Variants in HHIP observed in about 807,000 individuals in gnomAD.
HHIP encodes the protein hedgehog-interacting protein.
A neutral mutation model predicts 74.0 loss-of-function variants in HHIP; 12 were observed. That is an observed-to-expected ratio of 0.16 (90% CI 0.10 to 0.26). The LOEUF is 0.26. Ranked by LOEUF, HHIP falls within the 10% of genes least tolerant of loss-of-function variation. The probability of loss-of-function intolerance (pLI) is 1.00; values close to 1 mark genes in which losing one functional copy is unlikely to be tolerated. For missense variants in HHIP, 788 were observed against 845.0 expected (o/e 0.93, Z 0.84); for synonymous variants, 309 against 311.6 (o/e 0.99, Z 0.09).
intron 11 of HHIP, among the ~76,000 whole-genome samples, chr4:144,725,688 G>A (rs1010567873): frequency 5.9e-5 from 9 of 151,846 alleles, no homozygotes; most frequent in Non-Finnish European, 1.2e-4. Flanking sequence ...GTGTGTTTGA[G>A]ACAGAGTTTT....
intron 2 of HHIP, chr4:144,655,182 G>A (rs1383066389): frequency 6.6e-6 from 1 of 152,084 alleles, no homozygotes; most frequent in Non-Finnish European, 1.5e-5. Flanking sequence ...CCCAAAAATG[G>A]GAAAAGATAT....
At chr4:144,673,535 G>C (rs1729098961) in intron 4 of HHIP, among the ~76,000 whole-genome samples, 1 of 151,934 alleles carries the variant, frequency 6.6e-6, no homozygotes, top group African/African-American at 2.4e-5. Context: ...GTTCCTCCTA[G>C]GAAATGCACA....
rs1190707364 is a variant in HHIP at position 144,741,574 on chromosome 4, G to T, written c.*3617G>T. 1 of 151,822 alleles carries T rather than the reference G, an allele frequency of 6.6e-6. No homozygotes were observed. The highest frequency in any genetic ancestry group is 2.4e-5 in the African/African-American group (1 of 41,278). The allele number at this position is 151,822 out of a possible 1,614,324, so 9.4% of individuals were successfully genotyped here. On this transcript the variant is annotated 3_prime_UTR_variant, in exon 13 of 13. Transcript: ENST00000296575. ...TTTTTGTGTTTTTAGTAGAGACAGGGTTTCACCATGTTGGCCAGGCTGATT... is the reference window on the plus strand; with the variant it reads ...TTTTTGTGTTTTTAGTAGAGACAGGTTTTCACCATGTTGGCCAGGCTGATT...
At chr4:144,690,322 G>C (rs1054377691) in intron 4 of HHIP, among the ~76,000 whole-genome samples, 2 of 152,178 alleles carry the variant, frequency 1.3e-5, no homozygotes, top group African/African-American at 2.4e-5. Context: ...ATGGGGTAGG[G>C]AGACTGGTAG....
At chr4:144,716,160 T>C (rs1172965606) in intron 10 of HHIP, among the ~76,000 whole-genome samples, 1 of 152,210 alleles carries the variant, frequency 6.6e-6, no homozygotes. Flanking sequence ...ACCTTAACTA[T>C]TATGCTCCTT....
chr4:144,711,857 C>A, intron 7 of HHIP, 93 bp from the exon 8 acceptor site: 2 of 1,272,146 alleles, frequency 1.6e-6, no homozygotes, highest in Non-Finnish European at 2.2e-6. Context: ...CCTTGCCAGT[C>A]CACAAAGGGC....
chr4:144,701,010 CCT>C (rs1244360244), intron 4 of HHIP, among the ~76,000 whole-genome samples: 2 of 152,040 alleles, frequency 1.3e-5, no homozygotes, highest in African/African-American at 4.8e-5. Context: ...TCCTCTTTTT[CCT>C]CTTTTTCCTT....
At chr4:144,662,109 C>T (rs928629297) in intron 4 of HHIP, among the ~76,000 whole-genome samples, 8 of 152,166 alleles carry the variant, frequency 5.3e-5, no homozygotes, top group Non-Finnish European at 1.2e-4. Flanking sequence ...ATAAGAGTTT[C>T]TAAAATCTAT....
chr4:144,686,256 C>A (rs186233700), intron 4 of HHIP, among the ~76,000 whole-genome samples: 3 of 152,162 alleles, frequency 2.0e-5, no homozygotes, highest in Admixed American at 2.0e-4. Context: ...TCCCTAGAGG[C>A]TCTAAGAAGT....
chr4:144,671,902 T>G (rs969622555), intron 4 of HHIP, among the ~76,000 whole-genome samples: 2 of 152,134 alleles, frequency 1.3e-5, no homozygotes, highest in African/African-American at 4.8e-5. Flanking sequence ...GAGAATCACT[T>G]GAACCCAGGA....
At chr4:144,726,897 T>G (rs1730822161) in intron 11 of HHIP, among the ~76,000 whole-genome samples, 1 of 152,190 alleles carries the variant, frequency 6.6e-6, no homozygotes, top group Non-Finnish European at 1.5e-5. Flanking sequence ...CATCATTATT[T>G]TGTTTTGTGT....
At chr4:144,703,424 A>G (rs988172198) in intron 4 of HHIP, among the ~76,000 whole-genome samples, 1 of 152,184 alleles carries the variant, frequency 6.6e-6, no homozygotes, top group African/African-American at 2.4e-5. Flanking sequence ...TTCTGGAAGG[A>G]GTGTATGATT....
chr4:144,714,907 G>C (rs1730401955), intron 9 of HHIP: 1 of 160,698 alleles, frequency 6.2e-6, no homozygotes, highest in Non-Finnish European at 1.4e-5. Context: ...TGGCATTCAG[G>C]CATATGGCAG....
chr4:144,727,820 G>A (rs916099357), intron 11 of HHIP, among the ~76,000 whole-genome samples: 1 of 152,188 alleles, frequency 6.6e-6, no homozygotes, highest in African/African-American at 2.4e-5. Context: ...TGATTGTATA[G>A]TGAGATTAAT....
At chr4:144,681,503 G>A (rs1340522924) in intron 4 of HHIP, among the ~76,000 whole-genome samples, 1 of 142,994 alleles carries the variant, frequency 7.0e-6, no homozygotes, top group Non-Finnish European at 1.5e-5. Flanking sequence ...TCGGCTCACT[G>A]CAGCCTCCGC....
chr4:144,659,923 T>C lies in HHIP; in HGVS notation c.831+85T>C, dbSNP rs751570962. The C allele has an allele frequency of 8.5e-5, 85 of 1,004,406 alleles. 3 individuals carry two copies. The South Asian group carries it at 1.2e-3, about 14-fold the overall frequency. The allele number at this position is 1,004,406 out of a possible 1,614,324, so 62.2% of individuals were successfully genotyped here. A position where few individuals can be genotyped will look rare whatever the true frequency, so the allele number is the denominator to read the frequency against. Reference sequence around the variant, plus strand: ...ACCTTCCTCACTGAAGGTATTTCTTTGTAATAAAAGAAAGAATCTTGCAGG... The same window carrying C: ...ACCTTCCTCACTGAAGGTATTTCTTCGTAATAAAAGAAAGAATCTTGCAGG... On this transcript the variant is annotated intron_variant, in intron 4 of 12. Transcript: ENST00000296575.
At position 144,739,483 on chromosome 4, in the gene HHIP, A is replaced by G. The variant is rs965163832; in HGVS notation, c.*1526A>G. ...CTTACCTTTAGGAATACAAGCCTCA[A>G]TTTAAAAAATATATTGTAGCTAGTA... On this transcript the variant is annotated 3_prime_UTR_variant, in exon 13 of 13. Transcript: ENST00000296575. The G allele has an allele frequency of 6.6e-6, 1 of 152,214 alleles. No homozygotes were observed. Among genetic ancestry groups the G allele is most frequent in the African/African-American group, 2.4e-5 (1 of 41,464 alleles). The allele number at this position is 152,214 out of a possible 1,614,324, so 9.4% of individuals were successfully genotyped here. A position where few individuals can be genotyped will look rare whatever the true frequency, so the allele number is the denominator to read the frequency against.
intron 4 of HHIP, among the ~76,000 whole-genome samples, chr4:144,693,520 C>T (rs1292617398): frequency 1.3e-5 from 2 of 152,154 alleles, no homozygotes; most frequent in South Asian, 2.1e-4. Flanking sequence ...ACACTGTCCT[C>T]CTTAAAATAA....
intron 4 of HHIP, among the ~76,000 whole-genome samples, chr4:144,698,649 C>T (rs1045656100): frequency 2.0e-5 from 3 of 152,012 alleles, no homozygotes; most frequent in Admixed American, 6.6e-5. Context: ...TAAAGGAAAA[C>T]CAAATCTGGA....
Sources: gnomAD v4.1 joint callset for allele counts (sites outside exome capture counted in the v4.1 genomes callset) on GRCh38, gnomAD v4.1.1 for gene constraint, MANE v1.5 for transcripts, NCBI Gene and HGNC (gene_info 2026-07-23, HGNC 2026-07-21) for gene names.